The following CARMIL1 variants were observed in gnomAD, a reference collection of about 807,000 sequenced individuals.
CARMIL1 encodes the protein F-actin-uncapping protein LRRC16A.
A neutral mutation model predicts 177.1 loss-of-function variants in CARMIL1; 90 were observed. The ratio of observed to expected loss-of-function variants is 0.51; its 90% CI spans 0.43 to 0.61. CARMIL1 has a LOEUF of 0.61. CARMIL1 is among the 20% of genes least tolerant of loss of function. CARMIL1 has a pLI of 0.00. For missense variants in CARMIL1, 1,380 were observed against 1,667.0 expected (o/e 0.83, Z 3.00); for synonymous variants, 577 against 606.2 (o/e 0.95, Z 0.71).
intron 2 of CARMIL1, among the ~76,000 whole-genome samples, chr6:25,296,935 TTAACTAAC>T (rs5875025): frequency 0.042 from 5,767 of 136,316 alleles, 153 homozygotes; most frequent in African/African-American, 0.065. Flanking sequence ...CTATCTATCT[TTAACTAAC>T]TAACTAACTA....
chr6:25,360,508 TA>T (rs1334698437), intron 2 of CARMIL1, among the ~76,000 whole-genome samples: 13 of 152,124 alleles, frequency 8.5e-5, no homozygotes, highest in African/African-American at 2.9e-4. Context: ...TGCTAAACCT[TA>T]CATACTTTTT....
chr6:25,510,880 C>T, intron 20 of CARMIL1, 118 bp downstream of exon 20: 1 of 633,394 alleles, frequency 1.6e-6, no homozygotes, highest in Non-Finnish European at 2.7e-6. Context: ...TGTACATTTT[C>T]CATTACTTTT....
In CARMIL1 at chr6:25,414,935, A is replaced by G. The variant is rs547746562; in HGVS notation, c.139-5179A>G. The stretch of plus-strand genomic sequence containing the variant: ...TTTCAGACAAATTATTTTGATCTGT[A>G]TCCAACTTCTGAAGGACACTGTGTA... On this transcript the variant is annotated intron_variant, in intron 2 of 36. Coordinates refer to ENST00000329474, the MANE Select transcript of CARMIL1 (RefSeq NM_017640.6). 2.6e-5 allele frequency among the ~76,000 whole-genome samples: 4 copies of G among 152,298 alleles called. 1 individual carries two copies. Among genetic ancestry groups the G allele is most frequent in the East Asian group, 1.9e-4 (1 of 5,188 alleles).
intron 2 of CARMIL1, among the ~76,000 whole-genome samples, chr6:25,381,993 T>C (rs1338877929): frequency 6.6e-6 from 1 of 151,970 alleles, no homozygotes; most frequent in Admixed American, 6.6e-5. Context: ...TCAAGTATGA[T>C]TGAAAATGGG....
chr6:25,288,159 G>A (rs1781665403), intron 2 of CARMIL1, among the ~76,000 whole-genome samples: 1 of 152,220 alleles, frequency 6.6e-6, no homozygotes, highest in African/African-American at 2.4e-5. Context: ...CACTGGATGA[G>A]TAGGAGTTAG....
chr6:25,306,354 G>C (rs1456577534), intron 2 of CARMIL1, among the ~76,000 whole-genome samples: 3 of 152,246 alleles, frequency 2.0e-5, no homozygotes, highest in Admixed American at 2.0e-4. Context: ...TGTCAGATCA[G>C]CGGTGGCATT....
chr6:25,391,311 C>G (rs114897792), intron 2 of CARMIL1, among the ~76,000 whole-genome samples: 1 of 152,248 alleles, frequency 6.6e-6, no homozygotes, highest in Non-Finnish European at 1.5e-5. Flanking sequence ...GATAATTACA[C>G]TGCTATACTT....
At chr6:25,324,288 C>T (rs994471911) in intron 2 of CARMIL1, among the ~76,000 whole-genome samples, 3 of 151,820 alleles carry the variant, frequency 2.0e-5, no homozygotes, top group Admixed American at 6.6e-5. Flanking sequence ...TGAATGGTGT[C>T]AGAGTTCACA....
At position 25,428,519 on chromosome 6, in the gene CARMIL1, C is replaced by T. The variant is rs545477192; in HGVS notation, c.249+1959C>T. 2.6e-5 allele frequency among the ~76,000 whole-genome samples: 4 copies of T among 152,264 alleles called. No individual in the cohort carries two copies. In the East Asian group the frequency reaches 5.8e-4, roughly 22 times the overall value. Reference sequence around the variant, plus strand: ...TGTTCTAGTGATTCTAGGTCCTTTGCAATTCCGTATGAATTTTAGAAACAC... The same window carrying T: ...TGTTCTAGTGATTCTAGGTCCTTTGTAATTCCGTATGAATTTTAGAAACAC... On this transcript the variant is annotated intron_variant, in intron 4 of 36. Transcript: ENST00000329474.
intron 9 of CARMIL1, among the ~76,000 whole-genome samples, chr6:25,469,710 G>T (rs1800935233): frequency 6.6e-6 from 1 of 152,034 alleles, no homozygotes; most frequent in African/African-American, 2.4e-5. Context: ...GGCGTGCGCA[G>T]TCTGGGACCC....
Position 25,326,910 on chromosome 6 carries a change from A to G in CARMIL1, c.138+42001A>G, listed in dbSNP as rs151047402. ...CTTGGCTCACTGCAACCTGATAAGG[A>G]CCTTGTTTATTGTGATGAGGGAGAC... On this transcript the variant is annotated intron_variant, in intron 2 of 36. Coordinates refer to ENST00000329474, the MANE Select transcript of CARMIL1 (RefSeq NM_017640.6). This position sits in a 1 kb window ranked among gnomAD's most constrained non-coding sequence, Gnocchi z 4.2. Among the ~76,000 whole-genome samples the G allele has an allele frequency of 6.6e-6, 1 of 152,086 alleles. No individual in the cohort carries two copies. Among genetic ancestry groups the G allele is most frequent in the East Asian group, 1.9e-4 (1 of 5,180 alleles).
chr6:25,463,934 T>TG (rs1159440891), intron 8 of CARMIL1, among the ~76,000 whole-genome samples: 1 of 147,898 alleles, frequency 6.8e-6, no homozygotes, highest in African/African-American at 2.5e-5. Context: ...GCCATTCTCC[T>TG]GCCTCAGCCT....
At chr6:25,286,110 C>T (rs1035407261) in intron 2 of CARMIL1, among the ~76,000 whole-genome samples, 10 of 152,182 alleles carry the variant, frequency 6.6e-5, no homozygotes, top group Admixed American at 1.3e-4. Context: ...TGGACTCAAG[C>T]GATCTGCCTG....
rs1181024164 is a variant in CARMIL1, at chr6:25,279,669, C to T, written c.-127C>T. On this transcript the variant is annotated 5_prime_UTR_variant, in exon 1 of 37. Transcript: ENST00000329474. ...CGGCAAAATTCTGTCTCCGCCCCCC[C>T]TTTTCTTGCCCACTTCCATTTGCAA... The T allele has an allele frequency of 2.3e-6, 2 of 861,346 alleles. No homozygotes were observed. Among genetic ancestry groups the T allele is most frequent in the Non-Finnish European group, 4.0e-6 (2 of 503,062 alleles). 53.4% of individuals were successfully genotyped at this position (861,346 alleles called of 1,614,324 possible). A position where few individuals can be genotyped will look rare whatever the true frequency, so the allele number is the denominator to read the frequency against.
At position 25,539,994 on chromosome 6, in the gene CARMIL1, C is replaced by G; in HGVS notation, c.2244C>G (p.Ala748=). 1 of 1,606,460 alleles carries G rather than the reference C, an allele frequency of 6.2e-7. No homozygotes were observed. Among genetic ancestry groups the G allele is most frequent in the South Asian group, 1.1e-5 (1 of 89,312 alleles). The change falls in exon 26 of 37, where the codon GCC becomes GCG. Residue 748 remains alanine (A), a synonymous_variant. Coordinates refer to ENST00000329474, the MANE Select transcript of CARMIL1 (RefSeq NM_017640.6). ...TTGGTGGTGCATCTTGGGCGGGAGC[C>G]AGTGGCTTACTATCCAGTCCAATTC... The part of the protein sequence containing the change: ...YHVGGASWAG[A]SGLLSSPIQE...
chr6:25,454,378 T>C (rs947528216), intron 8 of CARMIL1, among the ~76,000 whole-genome samples: 1 of 152,204 alleles, frequency 6.6e-6, no homozygotes, highest in African/African-American at 2.4e-5. Flanking sequence ...TGAATGAGTA[T>C]TGCTATGTTC....
intron 11 of CARMIL1, among the ~76,000 whole-genome samples, chr6:25,476,401 CT>C (rs1396531777): frequency 6.6e-6 from 1 of 152,216 alleles, no homozygotes; most frequent in Non-Finnish European, 1.5e-5. Flanking sequence ...CAGACCAAGA[CT>C]TTTCTCATTT....
intron 11 of CARMIL1, among the ~76,000 whole-genome samples, chr6:25,474,455 T>C (rs1410360644): frequency 6.6e-6 from 1 of 152,124 alleles, no homozygotes; most frequent in East Asian, 1.9e-4. Flanking sequence ...ATGATATAGA[T>C]GTTCAGTTTT....
chr6:25,461,229 T>C (rs1351143623), intron 8 of CARMIL1, among the ~76,000 whole-genome samples: 1 of 152,238 alleles, frequency 6.6e-6, no homozygotes, highest in Admixed American at 6.5e-5. Flanking sequence ...CCCACTGATA[T>C]TGCAGAAATT....
Sources: allele counts gnomAD v4.1 joint callset (sites outside exome capture counted in the v4.1 genomes callset), GRCh38; gene constraint gnomAD v4.1.1; non-coding constraint Gnocchi (gnomAD v3.1); transcripts MANE v1.5; gene names NCBI Gene and HGNC (gene_info 2026-07-23, HGNC 2026-07-21).